Variants in WDR45B observed in about 807,000 individuals in gnomAD.
WDR45B encodes WD repeat domain phosphoinositide-interacting protein 3.
WDR45B carries 20 observed loss-of-function variants against 44.6 expected under a neutral mutation model. The observed-to-expected ratio is 0.45, with a 90% CI of 0.32 to 0.65. The LOEUF (loss-of-function observed/expected upper bound fraction) is 0.65, where lower values mean the gene tolerates loss of function less well. Ranked by LOEUF, WDR45B falls within the 30% of genes least tolerant of loss-of-function variation. WDR45B has a pLI of 0.05. For missense variants in WDR45B, 323 were observed against 430.2 expected (o/e 0.75, Z 2.20); for synonymous variants, 169 against 164.9 (o/e 1.02, Z -0.19).
At chr17:82,619,739 C>CT (rs2045588407) in intron 6 of WDR45B, among the ~76,000 whole-genome samples, 1 of 152,206 alleles carries the variant, frequency 6.6e-6, no homozygotes, top group Non-Finnish European at 1.5e-5. Flanking sequence ...GTCAAACACT[C>CT]TGACAACATC....
chr17:82,631,080 A>C, intron 2 of WDR45B, 58 bp from the exon 3 acceptor site: 1 of 1,535,088 alleles, frequency 6.5e-7, no homozygotes, highest in Non-Finnish European at 9.0e-7. Flanking sequence ...ATTTTACAAT[A>C]AAAAAGAAAA....
rs150078318 is a variant in WDR45B, at chr17:82,625,416, C to T, written c.400G>A (p.Val134Ile). Residue 134 changes from valine to isoleucine, a missense_variant, in exon 5 of 10, where the codon GTC (valine) becomes ATC (isoleucine). Physicochemically the swap from Val to Ile is conservative, Grantham distance 29. Coordinates refer to ENST00000392325, the MANE Select transcript of WDR45B (RefSeq NM_019613.4). ...TTGGGGTTATAGCAGGTTTCGAAGACGTGCAACTGATGGGGATTGTGTGTG... is the reference window on the plus strand; with the variant it reads ...TTGGGGTTATAGCAGGTTTCGAAGATGTGCAACTGATGGGGATTGTGTGTG... ...TFTHNPHQLH[V>I]FETCYNPKGL... The T allele has an allele frequency of 3.1e-6, 5 of 1,614,168 alleles. No homozygotes were observed. Among genetic ancestry groups the T allele is most frequent in the African/African-American group, 2.7e-5 (2 of 75,036 alleles).
chr17:82,642,942 A>C (rs1240979387), intron 2 of WDR45B, among the ~76,000 whole-genome samples: 1 of 152,188 alleles, frequency 6.6e-6, no homozygotes, highest in Non-Finnish European at 1.5e-5. Context: ...ATGTTTTGCA[A>C]CTACTTATCT....
chr17:82,619,561 C>CA (rs11390951), intron 6 of WDR45B, among the ~76,000 whole-genome samples: 64,232 of 142,658 alleles, frequency 0.45, 13,839 homozygotes, highest in East Asian at 0.55. Flanking sequence ...AAAGGTGAGG[C>CA]AAAAAAAAAA....
At chr17:82,646,513 C>CAAAAAAAA (rs1491582349) in intron 1 of WDR45B, among the ~76,000 whole-genome samples, 1 of 27,080 alleles carries the variant, frequency 3.7e-5, no homozygotes, top group Non-Finnish European at 6.2e-5. Context: ...AAAAAAAAAA[C>CAAAAAAAA]CCAAAACAAA....
intron 3 of WDR45B, among the ~76,000 whole-genome samples, chr17:82,628,601 A>G (rs2045728641): frequency 6.6e-6 from 1 of 151,568 alleles, no homozygotes; most frequent in Non-Finnish European, 1.5e-5. Context: ...AAAATTAGTC[A>G]CAGCTACTCA....
At chr17:82,626,910 A>T in intron 4 of WDR45B, 1 of 473,560 alleles carries the variant, frequency 2.1e-6, no homozygotes. Context: ...AGCTCTGCAC[A>T]TGTCGGAATG....
At chr17:82,636,710 C>T (rs2045837192) in intron 2 of WDR45B, 1 of 151,982 alleles carries the variant, frequency 6.6e-6, no homozygotes, top group Non-Finnish European at 1.5e-5. Flanking sequence ...CTTCCTTATC[C>T]TTTGTTCTCG....
At position 82,637,834 on chromosome 17, in the gene WDR45B, CA is replaced by C. The variant is rs1252985891; in HGVS notation, c.142+6114del. Among the ~76,000 whole-genome samples the C allele has an allele frequency of 9.2e-5, 14 of 151,890 alleles. No homozygotes were observed. In the East Asian group the frequency reaches 2.7e-3, roughly 30 times the overall value. The stretch of plus-strand genomic sequence containing the variant: ...CTTCATGATATCAGCATTCCTTTCC[CA>C]GGGGCAGAGGGTACGGCCTTCTCTG... On this transcript the variant is annotated intron_variant, in intron 2 of 9. Coordinates refer to ENST00000392325, the MANE Select transcript of WDR45B (RefSeq NM_019613.4).
intron 3 of WDR45B, 79 bp from the exon 4 acceptor site, chr17:82,627,370 C>G: frequency 1.6e-6 from 2 of 1,260,468 alleles, no homozygotes; most frequent in Admixed American, 1.7e-5. Flanking sequence ...AGCTTGGCGC[C>G]TAAGGTGTTT....
intron 5 of WDR45B, among the ~76,000 whole-genome samples, chr17:82,622,150 T>A (rs1213110384): frequency 6.6e-6 from 1 of 151,912 alleles, no homozygotes; most frequent in East Asian, 1.9e-4. Flanking sequence ...ATTATAAAAT[T>A]TAAAAGCTGC....
At chr17:82,643,695 A>G (rs929435777) in intron 2 of WDR45B, among the ~76,000 whole-genome samples, 3 of 152,220 alleles carry the variant, frequency 2.0e-5, no homozygotes, top group Non-Finnish European at 4.4e-5. Flanking sequence ...AAAAGGCACA[A>G]GAAGTTCATG....
chr17:82,640,937 G>A lies in WDR45B; in HGVS notation c.142+3012C>T, dbSNP rs554195849. On this transcript the variant is annotated intron_variant, in intron 2 of 9. Coordinates refer to ENST00000392325, the MANE Select transcript of WDR45B (RefSeq NM_019613.4). ...ACCATGACAATGGTATACTTTTCTG[G>A]AATTTAGAAGTTTTAGATGTTTCTT... Among the ~76,000 whole-genome samples, 59 of 150,106 alleles carry A rather than the reference G, an allele frequency of 3.9e-4. No individual in the cohort carries two copies. In the East Asian group the frequency reaches 0.011, roughly 29 times the overall value.
intron 5 of WDR45B, among the ~76,000 whole-genome samples, chr17:82,624,461 C>T (rs2045664827): frequency 6.6e-6 from 1 of 152,026 alleles, no homozygotes; most frequent in African/African-American, 2.4e-5. Context: ...GAGGTTTCAC[C>T]ACGTTGACCA....
intron 7 of WDR45B, among the ~76,000 whole-genome samples, chr17:82,617,863 A>G (rs1042664058): frequency 3.9e-5 from 6 of 151,938 alleles, no homozygotes; most frequent in African/African-American, 1.5e-4. Context: ...GGGATGTGCT[A>G]TGCACACCAC....
intron 6 of WDR45B, 89 bp from the exon 7 acceptor site, chr17:82,619,217 T>C: frequency 8.1e-7 from 1 of 1,233,278 alleles, no homozygotes; most frequent in Non-Finnish European, 1.2e-6. Flanking sequence ...AATCCATTAG[T>C]CCACACAAGC....
intron 6 of WDR45B, 28 bp from the exon 7 acceptor site, chr17:82,619,156 A>G: frequency 6.2e-7 from 1 of 1,604,066 alleles, no homozygotes; most frequent in Non-Finnish European, 8.5e-7. Context: ...GTGTTTCATT[A>G]TCAAAGATTC....
Position 82,625,405 on chromosome 17 carries a change from G to C in WDR45B, c.411C>G (p.Thr137=). 6.2e-7 allele frequency: 1 copy of C among 1,614,180 alleles called. No homozygotes were observed. The highest frequency in any genetic ancestry group is 8.5e-7 in the Non-Finnish European group (1 of 1,180,044). The change falls in exon 5 of 10, where the codon ACC becomes ACG. Residue 137 remains threonine, a synonymous_variant. Transcript: ENST00000392325. ...HNPHQLHVFE[T]CYNPKGLCVL... ...ATCTCTCACCTTTGGGGTTATAGCAGGTTTCGAAGACGTGCAACTGATGGG... is the reference window on the plus strand; with the variant it reads ...ATCTCTCACCTTTGGGGTTATAGCACGTTTCGAAGACGTGCAACTGATGGG...
intron 1 of WDR45B, among the ~76,000 whole-genome samples, chr17:82,646,163 G>GAA (rs374420560): frequency 0.027 from 3,960 of 147,714 alleles, 170 homozygotes; most frequent in African/African-American, 0.093. Context: ...CAACAATACG[G>GAA]AAAAAAAAAA....
Sources: gnomAD v4.1 joint callset for allele counts (sites outside exome capture counted in the v4.1 genomes callset) on GRCh38, gnomAD v4.1.1 for gene constraint, MANE v1.5 for transcripts, NCBI Gene and HGNC (gene_info 2026-07-23, HGNC 2026-07-21) for gene names.